Variants in GRIK2 observed in about 807,000 individuals in gnomAD.
The protein encoded by GRIK2 is glutamate receptor ionotropic, kainate 2.
In GRIK2, 32 loss-of-function variants were observed where a neutral mutation model predicts 100.3. The observed-to-expected ratio is 0.32, with a 90% confidence interval of 0.24 to 0.43. The LOEUF (loss-of-function observed/expected upper bound fraction) is 0.43. GRIK2 is among the 20% of genes least tolerant of loss of function. The pLI is 1.00. For synonymous variants in GRIK2, 417 were observed against 389.4 expected (o/e 1.07, Z -0.83); for missense variants, 843 against 1,114.9 (o/e 0.76, Z 3.47).
chr6:102,065,203 T>A (rs565705109), intron 16 of GRIK2, among the ~76,000 whole-genome samples: 2 of 151,442 alleles, frequency 1.3e-5, no homozygotes, highest in East Asian at 3.9e-4. Flanking sequence ...GTGATTTACA[T>A]GTTTACAATT....
Position 101,779,867 on chromosome 6 carries a change from A to ATC in GRIK2, c.952-19771_952-19770dup, listed in dbSNP as rs199696205. On this transcript the variant is annotated intron_variant, in intron 7 of 16. Coordinates refer to ENST00000369134, the MANE Select transcript of GRIK2 (RefSeq NM_021956.5). ...TATATAATTATGCTTGGAGAGATAA[A>ATC]TCTCTCTCTCTATATATATATAAAA... is the stretch of plus-strand genomic sequence containing the variant. Among the ~76,000 whole-genome samples the ATC allele has an allele frequency of 1.7e-4, 26 of 151,016 alleles. No individual in the cohort carries two copies. The East Asian group carries it at 3.5e-3, about 20-fold the overall frequency.
chr6:101,898,763 T>C (rs1787646625), intron 12 of GRIK2, among the ~76,000 whole-genome samples: 2 of 152,140 alleles, frequency 1.3e-5, no homozygotes, highest in Admixed American at 1.3e-4. Flanking sequence ...TGTGAGTTTT[T>C]CTGAAGACTC....
chr6:102,031,343 T>C lies in GRIK2; in HGVS notation c.2086-3998T>C, dbSNP rs530012139. On this transcript the variant is annotated intron_variant, in intron 14 of 16. Transcript: ENST00000369134. ...TCACTGCTCCTATGATTAAGGCATATTTTGTTCTTGCATGTTAACTATTTA... is the reference window on the plus strand; with the variant it reads ...TCACTGCTCCTATGATTAAGGCATACTTTGTTCTTGCATGTTAACTATTTA... 3.3e-5 allele frequency among the ~76,000 whole-genome samples: 5 copies of C among 151,380 alleles called. No homozygotes were observed. In the East Asian group the frequency reaches 9.8e-4, roughly 30 times the overall value.
chr6:101,733,943 A>C (rs1045880124), intron 7 of GRIK2, among the ~76,000 whole-genome samples: 7 of 152,140 alleles, frequency 4.6e-5, no homozygotes, highest in African/African-American at 1.7e-4. Context: ...CATCTGACAC[A>C]TCACCAGAAT....
At position 101,527,719 on chromosome 6, in the gene GRIK2, T is replaced by C. The variant is rs138858685; in HGVS notation, c.116-94230T>C. On this transcript the variant is annotated intron_variant, in intron 2 of 16. Transcript: ENST00000369134. ...CAGAAGTGGTCATCTTAAGAGCTTG[T>C]TCAAGGGCTATACTTTAGAGGTACA... Among the ~76,000 whole-genome samples, 286 of 152,230 alleles carry C rather than the reference T, an allele frequency of 1.9e-3. 2 individuals are homozygous for C. Among genetic ancestry groups the C allele is most frequent in the African/African-American group, 6.8e-3 (283 of 41,534 alleles).
chr6:101,691,503 G>A (rs1772096197), intron 7 of GRIK2, among the ~76,000 whole-genome samples: 1 of 151,842 alleles, frequency 6.6e-6, no homozygotes, highest in African/African-American at 2.4e-5. Flanking sequence ...TCACCATGTT[G>A]GCCAGGCTGG....
intron 16 of GRIK2, among the ~76,000 whole-genome samples, chr6:102,057,518 A>G (rs1771522731): frequency 6.6e-6 from 1 of 152,166 alleles, no homozygotes; most frequent in Middle Eastern, 3.4e-3. Flanking sequence ...TCTAAAAATT[A>G]GAAAAATAAA....
intron 14 of GRIK2, among the ~76,000 whole-genome samples, chr6:102,010,100 T>C (rs1037835428): frequency 6.6e-6 from 1 of 152,092 alleles, no homozygotes; most frequent in Non-Finnish European, 1.5e-5. Context: ...TACTCACCAG[T>C]CAACACACAT....
intron 2 of GRIK2, among the ~76,000 whole-genome samples, chr6:101,473,814 C>G (rs1459410997): frequency 6.6e-6 from 1 of 151,706 alleles, no homozygotes; most frequent in African/African-American, 2.4e-5. Context: ...ATGTGGTGAT[C>G]GATCACTAAA....
chr6:101,958,239 G>A (rs1042788220), intron 14 of GRIK2, among the ~76,000 whole-genome samples: 3 of 109,816 alleles, frequency 2.7e-5, no homozygotes, highest in Admixed American at 2.7e-4. Context: ...TTGTTTAAAT[G>A]TATTGCTACA....
At chr6:102,065,264 AT>A (rs1248012315) in intron 16 of GRIK2, among the ~76,000 whole-genome samples, 1 of 151,302 alleles carries the variant, frequency 6.6e-6, no homozygotes, top group African/African-American at 2.4e-5. Flanking sequence ...ACAATTTCAA[AT>A]TATAAAAGAT....
intron 2 of GRIK2, among the ~76,000 whole-genome samples, chr6:101,511,394 T>A (rs1214792321): frequency 1.3e-5 from 2 of 152,156 alleles, no homozygotes; most frequent in Non-Finnish European, 2.9e-5. Context: ...ATATTATAAT[T>A]AGATTGCTCT....
At chr6:101,498,263 A>G (rs1235427253) in intron 2 of GRIK2, among the ~76,000 whole-genome samples, 2 of 151,298 alleles carry the variant, frequency 1.3e-5, no homozygotes, top group African/African-American at 2.4e-5. Context: ...AATCCAGTCT[A>G]TCATTGTTGG....
chr6:101,611,141 G>A (rs1039303449), intron 2 of GRIK2, among the ~76,000 whole-genome samples: 2 of 151,780 alleles, frequency 1.3e-5, no homozygotes, highest in Admixed American at 1.3e-4. Flanking sequence ...GAAAAATAAT[G>A]TTGGAAAGTG....
At chr6:101,635,436 T>C (rs1472262967) in intron 4 of GRIK2, among the ~76,000 whole-genome samples, 1 of 152,132 alleles carries the variant, frequency 6.6e-6, no homozygotes, top group Non-Finnish European at 1.5e-5. Context: ...TTTCAGGACA[T>C]AGGCATGGGC....
At chr6:101,431,889 G>T (rs1457097566) in intron 2 of GRIK2, among the ~76,000 whole-genome samples, 1 of 152,012 alleles carries the variant, frequency 6.6e-6, no homozygotes, top group East Asian at 1.9e-4. Flanking sequence ...TTTTTTTCAG[G>T]CATGGATAGC....
At chr6:101,509,850 T>G (rs1237469169) in intron 2 of GRIK2, among the ~76,000 whole-genome samples, 3 of 152,194 alleles carry the variant, frequency 2.0e-5, no homozygotes, top group Non-Finnish European at 4.4e-5. Context: ...ACTGTAGAAA[T>G]GTCACTATTG....
intron 11 of GRIK2, among the ~76,000 whole-genome samples, chr6:101,886,072 T>G (rs1786592072): frequency 6.6e-6 from 1 of 152,164 alleles, no homozygotes; most frequent in Non-Finnish European, 1.5e-5. Context: ...TTCAGCACTA[T>G]CTCAATTCTT....
At chr6:101,906,877 G>A (rs921166923) in intron 12 of GRIK2, among the ~76,000 whole-genome samples, 25 of 151,734 alleles carry the variant, frequency 1.6e-4, no homozygotes, top group African/African-American at 5.8e-4. Context: ...ACAACAAATT[G>A]TTGATTGCTA....
Sources: gnomAD v4.1 joint callset for allele counts (sites outside exome capture counted in the v4.1 genomes callset) on GRCh38, gnomAD v4.1.1 for gene constraint, MANE v1.5 for transcripts, NCBI Gene and HGNC (gene_info 2026-07-23, HGNC 2026-07-21) for gene names.